Variants in JADE3 observed in about 807,000 individuals in gnomAD.
JADE3 encodes jade family PHD finger 3.
In JADE3, 2 loss-of-function variants were observed where a neutral mutation model predicts 50.1. That is an observed-to-expected ratio of 0.04 (90% CI 0.02 to 0.13). The LOEUF (loss-of-function observed/expected upper bound fraction) is 0.13, where lower values mean the gene tolerates loss of function less well. Ranked by LOEUF, JADE3 falls within the 10% of genes least tolerant of loss-of-function variation. The probability of loss-of-function intolerance (pLI) is 1.00; values close to 1 mark genes in which losing one functional copy is unlikely to be tolerated. For synonymous variants in JADE3, 218 were observed against 232.9 expected, an observed-to-expected ratio of 0.94 and a Z score of 0.58; for missense variants, 475 against 634.4, an observed-to-expected ratio of 0.75 and a Z score of 2.70.
chrX:46,987,538 T>A (rs1009882157), intron 3 of JADE3, among the ~76,000 whole-genome samples: 55 of 112,216 alleles, frequency 4.9e-4, no homozygotes, highest in African/African-American at 1.6e-3. Flanking sequence ...TCCTTGGAGG[T>A]CACTTTTCAT....
intron 1 of JADE3, among the ~76,000 whole-genome samples, chrX:46,966,739 C>CAAAG (rs1164839882): frequency 3.6e-5 from 4 of 110,499 alleles, no homozygotes; most frequent in Non-Finnish European, 5.7e-5. Flanking sequence ...CAAGAGAAGG[C>CAAAG]AAAGAAAGAA....
At chrX:46,915,548 A>T (rs1270278338) in intron 1 of JADE3, among the ~76,000 whole-genome samples, 1 of 111,201 alleles carries the variant, frequency 9.0e-6, no homozygotes, top group Non-Finnish European at 1.9e-5. Flanking sequence ...ATCTAGGGTG[A>T]ATGGGTAAAA....
At chrX:47,044,945 A>G (rs1407491754) in intron 8 of JADE3, among the ~76,000 whole-genome samples, 1 of 112,076 alleles carries the variant, frequency 8.9e-6, no homozygotes, top group East Asian at 2.8e-4. Flanking sequence ...ACACACAAAA[A>G]TAAAAAGCAA....
chrX:46,972,437 C>A (rs1228993832), intron 1 of JADE3, among the ~76,000 whole-genome samples: 1 of 111,993 alleles, frequency 8.9e-6, no homozygotes, highest in African/African-American at 3.2e-5. Flanking sequence ...CTCAGGTTAT[C>A]TGTCTGCCTC....
intron 3 of JADE3, among the ~76,000 whole-genome samples, chrX:46,987,815 A>G (rs1366902403): frequency 8.9e-6 from 1 of 112,065 alleles, no homozygotes; most frequent in Non-Finnish European, 1.9e-5. Context: ...AGGCAGTGGT[A>G]ATAGTAGTCT....
chrX:46,939,046 C>T (rs1926695739), intron 1 of JADE3, among the ~76,000 whole-genome samples: 1 of 112,110 alleles, frequency 8.9e-6, no homozygotes, highest in South Asian at 3.7e-4. Context: ...AGGCTGGTCT[C>T]AAACTCCTGA....
At chrX:47,014,520 T>G (rs782466136) in intron 4 of JADE3, among the ~76,000 whole-genome samples, 1 of 112,183 alleles carries the variant, frequency 8.9e-6, no homozygotes, top group East Asian at 2.8e-4. Context: ...GATTTCACCA[T>G]AAATTTGATG....
intron 7 of JADE3, among the ~76,000 whole-genome samples, chrX:47,036,474 G>T (rs1297519232): frequency 1.8e-5 from 2 of 109,284 alleles, no homozygotes; most frequent in Non-Finnish European, 3.8e-5. Context: ...TGCTGGAGAG[G>T]ATGTGGAGAA....
At chrX:46,998,379 A>G (rs782492227) in intron 4 of JADE3, 102 bp downstream of exon 4, 71 of 711,091 alleles carry the variant, frequency 1.0e-4, no homozygotes, top group Non-Finnish European at 1.4e-4. Flanking sequence ...TTTATAGTAC[A>G]AAGTCACATA....
chrX:46,936,401 G>T (rs1210887293), intron 1 of JADE3, among the ~76,000 whole-genome samples: 1 of 111,623 alleles, frequency 9.0e-6, no homozygotes, highest in East Asian at 2.8e-4. Context: ...TATTTTGTTG[G>T]AGGTGTTTGT....
chrX:46,923,393 C>CTCT (rs1556338199), intron 1 of JADE3, among the ~76,000 whole-genome samples: 1 of 11,522 alleles, frequency 8.7e-5, no homozygotes, highest in African/African-American at 2.0e-4. Flanking sequence ...CTCTCTCTCT[C>CTCT]TTTTTTTTTT....
chrX:46,942,776 C>T, intron 1 of JADE3, among the ~76,000 whole-genome samples: 1 of 111,826 alleles, frequency 8.9e-6, no homozygotes, highest in Non-Finnish European at 1.9e-5. Context: ...AGTGTTGAAT[C>T]CGTAAATTGC....
In JADE3 at chrX:46,959,042, C is replaced by T. The variant is rs913799043; in HGVS notation, c.-11-25842C>T. On this transcript the variant is annotated intron_variant, in intron 1 of 10. Coordinates refer to ENST00000614628, the MANE Select transcript of JADE3 (RefSeq NM_014735.5). ...TTCTCTTGTTCTTTAGGACCAACCA[C>T]GTGCCTAATTCCAGTTACTATTTTT... Among the ~76,000 whole-genome samples the T allele has an allele frequency of 3.6e-5, 4 of 112,063 alleles. 1 individual carries two copies. Among genetic ancestry groups the T allele is most frequent in the South Asian group, 7.4e-4 (2 of 2,693 alleles).
intron 1 of JADE3, among the ~76,000 whole-genome samples, chrX:46,922,225 T>C (rs1926238506): frequency 9.0e-6 from 1 of 111,550 alleles, no homozygotes; most frequent in Admixed American, 9.6e-5. Context: ...TTATCCTTGT[T>C]CCTCCATAGT....
chrX:46,966,523 A>G (rs900401590), intron 1 of JADE3, among the ~76,000 whole-genome samples: 2 of 111,159 alleles, frequency 1.8e-5, no homozygotes, highest in Non-Finnish European at 3.8e-5. Flanking sequence ...AACACAGGGA[A>G]CTTGAAAAAA....
At position 46,984,918 on chromosome X, in the gene JADE3, C is replaced by T. The variant is rs782078464; in HGVS notation, c.24C>T (p.Ser8=). The T allele has an allele frequency of 3.3e-6, 4 of 1,206,485 alleles. No homozygotes were observed. The African/African-American group carries it at 5.3e-5, about 16-fold the overall frequency. MKRHRPV[S]SSDSSDESPS... ...GGATGAAACGCCATAGGCCTGTCAG[C>T]AGCAGTGACAGTTCAGACGAAAGTG... Residue 8 remains serine (S), a synonymous_variant, in exon 2 of 11, where the codon AGC becomes AGT. Coordinates refer to ENST00000614628, the MANE Select transcript of JADE3 (RefSeq NM_014735.5).
chrX:46,970,964 A>G (rs976593842), intron 1 of JADE3, among the ~76,000 whole-genome samples: 3 of 111,250 alleles, frequency 2.7e-5, no homozygotes, highest in East Asian at 5.6e-4. Flanking sequence ...TGTGTATTTC[A>G]TAGTAAAAGC....
chrX:46,945,490 A>G (rs1292112408), intron 1 of JADE3, among the ~76,000 whole-genome samples: 2 of 111,233 alleles, frequency 1.8e-5, no homozygotes, highest in Admixed American at 1.9e-4. Flanking sequence ...ATGTTTGCAC[A>G]GCCCCCAGTG....
At chrX:47,004,175 A>C (rs1437045745) in intron 4 of JADE3, among the ~76,000 whole-genome samples, 1 of 110,734 alleles carries the variant, frequency 9.0e-6, no homozygotes, top group Non-Finnish European at 1.9e-5. Context: ...GCCCTCCAGC[A>C]TTGGCCTCCC....
Sources: allele counts gnomAD v4.1 joint callset (sites outside exome capture counted in the v4.1 genomes callset), GRCh38; gene constraint gnomAD v4.1.1; transcripts MANE v1.5; gene names NCBI Gene and HGNC (gene_info 2026-07-23, HGNC 2026-07-21).